The following XKR6 variants were observed in gnomAD, a reference collection of about 807,000 sequenced individuals.
XKR6 encodes the protein XK-related protein 6.
A neutral mutation model predicts 56.7 loss-of-function variants in XKR6; 22 were observed. The observed-to-expected ratio is 0.39, with a 90% CI of 0.28 to 0.55. XKR6 has a LOEUF of 0.55. Among genes scored for constraint, XKR6 ranks in the 20% least tolerant of loss-of-function variants. The pLI, the probability that XKR6 is intolerant of heterozygous loss-of-function variation, is 0.66. For missense variants in XKR6, 852 were observed against 889.0 expected, an observed-to-expected ratio of 0.96 and a Z score of 0.53; for synonymous variants, 524 against 387.8, an observed-to-expected ratio of 1.35 and a Z score of -4.13.
intron 1 of XKR6, among the ~76,000 whole-genome samples, chr8:10,952,498 G>A (rs571521006): frequency 4.6e-5 from 7 of 152,194 alleles, no homozygotes; most frequent in African/African-American, 1.7e-4. Flanking sequence ...CTGTTGCCCT[G>A]GCTGAAGTGC....
At chr8:10,908,536 C>T (rs1800248417) in intron 2 of XKR6, among the ~76,000 whole-genome samples, 1 of 152,122 alleles carries the variant, frequency 6.6e-6, no homozygotes, top group South Asian at 2.1e-4. Flanking sequence ...CATGCTCCAG[C>T]CGCACTTGCT....
At chr8:10,923,907 C>A (rs1442132670) in intron 2 of XKR6, among the ~76,000 whole-genome samples, 7 of 152,226 alleles carry the variant, frequency 4.6e-5, no homozygotes, top group Non-Finnish European at 8.8e-5. Context: ...TCTTCAGCAA[C>A]TTCTTGCCTT....
chr8:11,190,507 T>A (rs1206581299), intron 1 of XKR6, among the ~76,000 whole-genome samples: 4 of 152,210 alleles, frequency 2.6e-5, no homozygotes, highest in Non-Finnish European at 5.9e-5. Flanking sequence ...TACTGAAAAC[T>A]GTGTCCTAAG....
At chr8:10,948,008 G>C (rs1801602712) in intron 1 of XKR6, among the ~76,000 whole-genome samples, 1 of 152,122 alleles carries the variant, frequency 6.6e-6, no homozygotes, top group Admixed American at 6.5e-5. Flanking sequence ...CGAAGTCCAG[G>C]GTGCAGGGTG....
At chr8:11,030,791 G>A (rs547579785) in intron 1 of XKR6, among the ~76,000 whole-genome samples, 3 of 152,268 alleles carry the variant, frequency 2.0e-5, no homozygotes, top group Admixed American at 2.0e-4. Context: ...GGTATGAAGT[G>A]AAACCTCCCT....
intron 1 of XKR6, among the ~76,000 whole-genome samples, chr8:11,169,183 C>T (rs1007681727): frequency 5.9e-5 from 9 of 152,050 alleles, no homozygotes; most frequent in East Asian, 2.0e-4. Flanking sequence ...CAACCCTCTT[C>T]CAGGCACCCT....
chr8:10,912,435 C>T (rs757639187), intron 2 of XKR6, among the ~76,000 whole-genome samples: 86 of 81,878 alleles, frequency 1.1e-3, no homozygotes, highest in African/African-American at 3.7e-3. Flanking sequence ...ATATGAGAGA[C>T]GATAGGTGAG....
chr8:11,148,944 C>T (rs557824210), intron 1 of XKR6, among the ~76,000 whole-genome samples: 6 of 152,230 alleles, frequency 3.9e-5, no homozygotes, highest in Non-Finnish European at 5.9e-5. Context: ...ATTCCATCAA[C>T]GTAAGATTCC....
At chr8:11,116,630 C>T (rs1356489957) in intron 1 of XKR6, among the ~76,000 whole-genome samples, 1 of 152,132 alleles carries the variant, frequency 6.6e-6, no homozygotes, top group Non-Finnish European at 1.5e-5. Flanking sequence ...CTCAGCCTCC[C>T]AAAGTGCTGG....
intron 1 of XKR6, among the ~76,000 whole-genome samples, chr8:11,041,416 C>T (rs1048960281): frequency 1.3e-5 from 2 of 151,960 alleles, no homozygotes; most frequent in Admixed American, 6.6e-5. Context: ...ACTAGCTGGG[C>T]GTGGTGGTGC....
At chr8:11,140,294 A>T (rs138151821) in intron 1 of XKR6, among the ~76,000 whole-genome samples, 1 of 152,326 alleles carries the variant, frequency 6.6e-6, no homozygotes, top group East Asian at 1.9e-4. Context: ...ACGTTTTCCG[A>T]ATGAAAAACG....
chr8:11,030,752 A>G (rs1798974745), intron 1 of XKR6, among the ~76,000 whole-genome samples: 1 of 152,124 alleles, frequency 6.6e-6, no homozygotes, highest in Non-Finnish European at 1.5e-5. Flanking sequence ...CCAGCCAGCC[A>G]GTCTCTCCTA....
chr8:10,927,497 G>A (rs1251781330), intron 1 of XKR6, among the ~76,000 whole-genome samples: 1 of 152,146 alleles, frequency 6.6e-6, no homozygotes, highest in Non-Finnish European at 1.5e-5. Context: ...CCTCACAGGT[G>A]GCCCAGCAGC....
chr8:11,006,197 T>C (rs1798365137), intron 1 of XKR6, among the ~76,000 whole-genome samples: 2 of 152,124 alleles, frequency 1.3e-5, no homozygotes, highest in Non-Finnish European at 2.9e-5. Flanking sequence ...TAATTGGTGA[T>C]TGATTCACTA....
chr8:10,899,541 T>G (rs1799978672), intron 2 of XKR6, among the ~76,000 whole-genome samples: 1 of 152,198 alleles, frequency 6.6e-6, no homozygotes, highest in Admixed American at 6.5e-5. Context: ...TCCCGCCCAT[T>G]TCACAGACTT....
At chr8:10,983,240 C>CT (rs751664974) in intron 1 of XKR6, among the ~76,000 whole-genome samples, 9 of 151,910 alleles carry the variant, frequency 5.9e-5, no homozygotes, top group Non-Finnish European at 1.3e-4. Context: ...TCAAGACCTG[C>CT]TTTTTTTGGG....
chr8:11,024,393 G>A (rs1194486855), intron 1 of XKR6, among the ~76,000 whole-genome samples: 2 of 152,134 alleles, frequency 1.3e-5, no homozygotes, highest in Non-Finnish European at 2.9e-5. Context: ...CCTTATTAGT[G>A]AAATGGAGCT....
At chr8:10,963,400 T>A (rs1353979183) in intron 1 of XKR6, among the ~76,000 whole-genome samples, 1 of 152,222 alleles carries the variant, frequency 6.6e-6, no homozygotes, top group African/African-American at 2.4e-5. Context: ...GCCATTTCCA[T>A]GGATATCCCT....
chr8:10,922,396 G>A (rs28490515), intron 2 of XKR6, among the ~76,000 whole-genome samples: 2,293 of 152,316 alleles, frequency 0.015, 62 homozygotes, highest in African/African-American at 0.05. Flanking sequence ...ACCGGACATT[G>A]CCCTGCCAGT....
Sources: allele counts gnomAD v4.1 joint callset (sites outside exome capture counted in the v4.1 genomes callset), GRCh38; gene constraint gnomAD v4.1.1; transcripts MANE v1.5; gene names NCBI Gene and HGNC (gene_info 2026-07-23, HGNC 2026-07-21).